GALNT18: variants seen among roughly 807,000 people sequenced by gnomAD.
GALNT18 encodes GalNAc-transferase 18.
GALNT18 carries 44 observed loss-of-function variants against 69.5 expected under a neutral mutation model. That is an observed-to-expected ratio of 0.63 (90% CI 0.50 to 0.81). The LOEUF (loss-of-function observed/expected upper bound fraction) is 0.81, where lower values mean the gene tolerates loss of function less well. Among genes scored for constraint, GALNT18 ranks in the 40% least tolerant of loss-of-function variants. GALNT18 has a pLI of 0.00. For synonymous variants in GALNT18, 364 were observed against 318.2 expected (o/e 1.14, Z -1.53); for missense variants, 715 against 810.0 (o/e 0.88, Z 1.42).
Position 11,538,129 on chromosome 11 carries a change from T to C in GALNT18, c.235+83230A>G, listed in dbSNP as rs191043844. Among the ~76,000 whole-genome samples the C allele has an allele frequency of 1.3e-5, 2 of 152,186 alleles. No individual in the cohort carries two copies. The highest frequency in any genetic ancestry group is 2.9e-5 in the Non-Finnish European group (2 of 68,002). ...ATCATCGACCTTGTTTTGCAGAGGG[T>C]GAAATTCAGGCTGGAAGAGTGGGTG... On this transcript the variant is annotated intron_variant, in intron 1 of 10. Coordinates refer to ENST00000227756, the MANE Select transcript of GALNT18 (RefSeq NM_198516.3). This position sits in a 1 kb window ranked among gnomAD's most constrained non-coding sequence, Gnocchi z 5.2.
intron 1 of GALNT18, among the ~76,000 whole-genome samples, chr11:11,565,109 C>T (rs1858611473): frequency 1.3e-5 from 2 of 152,254 alleles, no homozygotes; most frequent in African/African-American, 2.4e-5. Context: ...AGTATGTACA[C>T]TGGTTCTGAC....
At chr11:11,492,803 C>T (rs1351894169) in intron 1 of GALNT18, among the ~76,000 whole-genome samples, 1 of 151,892 alleles carries the variant, frequency 6.6e-6, no homozygotes, top group Non-Finnish European at 1.5e-5. Flanking sequence ...GTATCTGGGG[C>T]CTAAAACCTA....
At chr11:11,468,996 T>C (rs1487673532) in intron 1 of GALNT18, among the ~76,000 whole-genome samples, 2 of 152,160 alleles carry the variant, frequency 1.3e-5, no homozygotes, top group East Asian at 3.9e-4. Context: ...GACAGTCCTA[T>C]AGACAGATGG....
Position 11,540,880 on chromosome 11 carries a change from G to A in GALNT18, c.235+80479C>T, listed in dbSNP as rs1380711621. 3.3e-5 allele frequency among the ~76,000 whole-genome samples: 5 copies of A among 152,172 alleles called. No homozygotes were observed. The highest frequency in any genetic ancestry group is 7.3e-5 in the Non-Finnish European group (5 of 68,030). On this transcript the variant is annotated intron_variant, in intron 1 of 10. Transcript: ENST00000227756. This position sits in a 1 kb window ranked among gnomAD's most constrained non-coding sequence, Gnocchi z 4.6. ...GTGCTGTCTATTCAGACACTGGGTT[G>A]TCAGAAGGAAAATGGGTTAGAAAAT...
intron 3 of GALNT18, among the ~76,000 whole-genome samples, chr11:11,422,623 T>TG (rs1270787050): frequency 5.0e-5 from 7 of 140,496 alleles, no homozygotes; most frequent in South Asian, 2.1e-4. Flanking sequence ...TTTTTGTTGT[T>TG]TTTTTTTTTT....
rs1486861372 is a variant in GALNT18 at position 11,511,064 on chromosome 11, T to G, written c.236-62128A>C. 6.6e-6 allele frequency among the ~76,000 whole-genome samples: 1 copy of G among 152,068 alleles called. No homozygotes were observed. The highest frequency in any genetic ancestry group is 2.4e-5 in the African/African-American group (1 of 41,416). ...TTCCACTTGACTCCTGACAAAGACA[T>G]GCAGCCTGCCAGGTGATGCAAGAGA... On this transcript the variant is annotated intron_variant, in intron 1 of 10. Coordinates refer to ENST00000227756, the MANE Select transcript of GALNT18 (RefSeq NM_198516.3). This position sits in a 1 kb window ranked among gnomAD's most constrained non-coding sequence, Gnocchi z 4.9.
At chr11:11,487,033 C>T (rs2133878802) in intron 1 of GALNT18, among the ~76,000 whole-genome samples, 1 of 152,308 alleles carries the variant, frequency 6.6e-6, no homozygotes, top group South Asian at 2.1e-4. Flanking sequence ...AGTAAATATG[C>T]CCCCAAACTC....
chr11:11,342,166 A>G (rs988753446), intron 6 of GALNT18, among the ~76,000 whole-genome samples: 1 of 152,132 alleles, frequency 6.6e-6, no homozygotes, highest in African/African-American at 2.4e-5. Context: ...TCACTCACCT[A>G]ACAAAAGGCC....
intron 1 of GALNT18, among the ~76,000 whole-genome samples, chr11:11,589,730 A>G (rs1859308963): frequency 6.6e-6 from 1 of 152,192 alleles, no homozygotes; most frequent in Non-Finnish European, 1.5e-5. Context: ...ACTGAGCACC[A>G]CATAAGCCAG....
Position 11,574,418 on chromosome 11 carries a change from G to A in GALNT18, c.235+46941C>T, listed in dbSNP as rs534510636. On this transcript the variant is annotated intron_variant, in intron 1 of 10. Transcript: ENST00000227756. ...ACCATCTCCCTGGTCTGGACTTAAA[G>A]GTCTGATTTTGATATCAAAACATAA... is the stretch of plus-strand genomic sequence containing the variant. Among the ~76,000 whole-genome samples, 333 of 152,242 alleles carry A rather than the reference G, an allele frequency of 2.2e-3. 4 individuals are homozygous for A. The highest frequency in any genetic ancestry group is 7.5e-3 in the African/African-American group (311 of 41,540).
At chr11:11,498,130 A>C (rs1856904000) in intron 1 of GALNT18, among the ~76,000 whole-genome samples, 1 of 152,172 alleles carries the variant, frequency 6.6e-6, no homozygotes, top group Non-Finnish European at 1.5e-5. Context: ...ATGTCTTCTA[A>C]TCTTTATCAG....
At chr11:11,295,937 A>T (rs1590017818) in intron 9 of GALNT18, among the ~76,000 whole-genome samples, 1 of 152,150 alleles carries the variant, frequency 6.6e-6, no homozygotes, top group Admixed American at 6.5e-5. Context: ...GCTCATCAGA[A>T]TCCTGAGACT....
In GALNT18 at chr11:11,415,885, G is replaced by A. The variant is rs1410955793; in HGVS notation, c.595+16736C>T. 6.6e-6 allele frequency among the ~76,000 whole-genome samples: 1 copy of A among 152,162 alleles called. No individual in the cohort carries two copies. Among genetic ancestry groups the A allele is most frequent in the Non-Finnish European group, 1.5e-5 (1 of 68,032 alleles). ...TGTCATAGGAATATGGAGTACACAG[G>A]TCTAGAGGGCAGCAGCTGGGCACCT... On this transcript the variant is annotated intron_variant, in intron 3 of 10. Transcript: ENST00000227756. This position sits in a 1 kb window ranked among gnomAD's most constrained non-coding sequence, Gnocchi z 4.1.
chr11:11,333,930 TGAA>T (rs1850064561), intron 7 of GALNT18, among the ~76,000 whole-genome samples: 1 of 151,996 alleles, frequency 6.6e-6, no homozygotes, highest in Non-Finnish European at 1.5e-5. Context: ...TCTGGGGATC[TGAA>T]GAAGACCCAG....
At chr11:11,462,713 G>A (rs1310486987) in intron 1 of GALNT18, among the ~76,000 whole-genome samples, 2 of 152,078 alleles carry the variant, frequency 1.3e-5, no homozygotes, top group African/African-American at 4.8e-5. Context: ...GGCTTACACA[G>A]GGCCTGGTGG....
chr11:11,290,240 G>T (rs1224603918), intron 10 of GALNT18, among the ~76,000 whole-genome samples: 6 of 152,190 alleles, frequency 3.9e-5, no homozygotes, highest in African/African-American at 1.4e-4. Context: ...AGGCTATGAA[G>T]ACCCCGGGGT....
rs758695657 is a variant in GALNT18, at chr11:11,621,393, G to A, written c.201C>T (p.Asp67=). The change falls in exon 1 of 11, where the codon GAC becomes GAT. Residue 67 remains aspartate, a synonymous_variant. Transcript: ENST00000227756. This position sits in a 1 kb window ranked among gnomAD's most constrained non-coding sequence, Gnocchi z 9.3. Reference sequence around the variant, plus strand: ...GCTGCTTGATGACATTCTCCAGGTGGTCCAGCCGCTCAATAATCTTCAGAG... The same window carrying A: ...GCTGCTTGATGACATTCTCCAGGTGATCCAGCCGCTCAATAATCTTCAGAG... ...GDTLKIIERL[D]HLENVIKQHI... The A allele has an allele frequency of 6.2e-6, 10 of 1,613,962 alleles. No homozygotes were observed. The African/African-American group carries it at 8.0e-5, about 13-fold the overall frequency.
chr11:11,553,860 A>C (rs1449148188), intron 1 of GALNT18, among the ~76,000 whole-genome samples: 1 of 152,128 alleles, frequency 6.6e-6, no homozygotes, highest in Non-Finnish European at 1.5e-5. Flanking sequence ...GTAGCTGAGA[A>C]ATCCATTTAA....
chr11:11,581,190 T>C (rs1240061506), intron 1 of GALNT18, among the ~76,000 whole-genome samples: 1 of 152,166 alleles, frequency 6.6e-6, no homozygotes, highest in Non-Finnish European at 1.5e-5. Flanking sequence ...GGGGCAGGGC[T>C]GGAGTAGGGG....
Sources: gnomAD v4.1 joint callset for allele counts (sites outside exome capture counted in the v4.1 genomes callset) on GRCh38, gnomAD v4.1.1 for gene constraint, Gnocchi (gnomAD v3.1) non-coding constraint, MANE v1.5 for transcripts, NCBI Gene and HGNC (gene_info 2026-07-23, HGNC 2026-07-21) for gene names.